Variants in GTF2A1L observed in about 807,000 individuals in gnomAD.
GTF2A1L encodes the protein general transcription factor IIA subunit 1 like.
GTF2A1L carries 48 observed loss-of-function variants against 49.7 expected under a neutral mutation model. The observed-to-expected ratio is 0.97, with a 90% CI of 0.77 to 1.23. GTF2A1L has a LOEUF of 1.23. Among genes scored for constraint, GTF2A1L ranks in the 50% most tolerant of loss-of-function variants. GTF2A1L has a pLI of 0.00. For missense variants in GTF2A1L, 736 were observed against 564.8 expected (o/e 1.30, Z -3.07); for synonymous variants, 246 against 193.5 (o/e 1.27, Z -2.25).
intron 3 of GTF2A1L, among the ~76,000 whole-genome samples, chr2:48,625,225 G>A (rs1342398728): frequency 7.0e-6 from 1 of 143,480 alleles, no homozygotes; most frequent in Non-Finnish European, 1.6e-5. Flanking sequence ...AACACTTGTC[G>A]TCTCTTTTCT....
At chr2:48,640,959 T>G (rs1677165865) in intron 3 of GTF2A1L, among the ~76,000 whole-genome samples, 1 of 152,194 alleles carries the variant, frequency 6.6e-6, no homozygotes, top group African/African-American at 2.4e-5. Context: ...ATAAAACTGT[T>G]CAATGCTTTT....
intron 6 of GTF2A1L, among the ~76,000 whole-genome samples, chr2:48,653,920 C>CAAAAAAAAAA (rs70946819): frequency 1.0e-4 from 11 of 108,666 alleles, no homozygotes; most frequent in African/African-American, 2.8e-4. Flanking sequence ...GACTGTGTCT[C>CAAAAAAAAAA]AAAAAAAAAA....
At chr2:48,618,116 GT>G in intron 1 of GTF2A1L, 1 of 535,240 alleles carries the variant, frequency 1.9e-6, no homozygotes, top group Non-Finnish European at 3.3e-6. Flanking sequence ...AAAAGAACAA[GT>G]GCCCTTTTTC....
At chr2:48,634,848 T>G (rs546255176) in intron 3 of GTF2A1L, among the ~76,000 whole-genome samples, 2 of 152,286 alleles carry the variant, frequency 1.3e-5, no homozygotes, top group Non-Finnish European at 2.9e-5. Context: ...AGCATTGACC[T>G]TTGACAGTCT....
At chr2:48,664,736 T>C (rs1231555205) in intron 6 of GTF2A1L, among the ~76,000 whole-genome samples, 1 of 152,166 alleles carries the variant, frequency 6.6e-6, no homozygotes, top group Non-Finnish European at 1.5e-5. Context: ...TGGTAATTTC[T>C]TGCAATGGAT....
At chr2:48,647,844 TA>T (rs974488821) in intron 6 of GTF2A1L, among the ~76,000 whole-genome samples, 2 of 152,062 alleles carry the variant, frequency 1.3e-5, no homozygotes, top group Non-Finnish European at 2.9e-5. Flanking sequence ...TTATAAAAAT[TA>T]AAAAAATTGC....
chr2:48,631,074 C>G (rs1421698119), intron 3 of GTF2A1L, among the ~76,000 whole-genome samples: 1 of 151,988 alleles, frequency 6.6e-6, no homozygotes, highest in Non-Finnish European at 1.5e-5. Context: ...TTGGCCTATA[C>G]TTTTCTTTTT....
chr2:48,656,348 G>GTTTTTTTT (rs367837291), intron 6 of GTF2A1L, among the ~76,000 whole-genome samples: 3 of 114,560 alleles, frequency 2.6e-5, no homozygotes, highest in African/African-American at 1.0e-4. Context: ...CTTATTTTCT[G>GTTTTTTTT]TTTTTTTTTT....
chr2:48,617,889 C>A lies in GTF2A1L; in HGVS notation c.15C>A (p.Asn5Lys). Reference protein sequence around the residue: MACLNPVPKLYRSVI... With the variant: MACLKPVPKLYRSVI... ...GAGGTGCTGTCATGGCCTGCCTCAACCCGGTGGTAAGGAAGACCTCAGGCT... is the reference window on the plus strand; with the variant it reads ...GAGGTGCTGTCATGGCCTGCCTCAAACCGGTGGTAAGGAAGACCTCAGGCT... Residue 5 changes from asparagine (N) to lysine (K), a missense_variant, in exon 1 of 9, where the codon AAC becomes AAA. Asn to Lys is a moderately conservative substitution (Grantham distance 94). Transcript: ENST00000403751. 6.4e-7 allele frequency: 1 copy of A among 1,551,860 alleles called. No homozygotes were observed. The highest frequency in any genetic ancestry group is 8.7e-7 in the Non-Finnish European group (1 of 1,147,054).
At chr2:48,657,578 G>A (rs561727837) in intron 6 of GTF2A1L, among the ~76,000 whole-genome samples, 2 of 152,060 alleles carry the variant, frequency 1.3e-5, no homozygotes, top group Admixed American at 6.6e-5. Context: ...GTGCAGGTAC[G>A]TTTTTGGTAG....
chr2:48,649,061 G>T (rs1677699664), intron 6 of GTF2A1L, among the ~76,000 whole-genome samples: 1 of 152,092 alleles, frequency 6.6e-6, no homozygotes, highest in Non-Finnish European at 1.5e-5. Flanking sequence ...TATGTTGTTT[G>T]AACATTCTGT....
intron 6 of GTF2A1L, among the ~76,000 whole-genome samples, chr2:48,661,871 T>C (rs1390886136): frequency 1.3e-5 from 2 of 152,176 alleles, no homozygotes. Flanking sequence ...TGTCTTTTGA[T>C]TGGGGAGTTT....
At chr2:48,642,258 C>A in intron 3 of GTF2A1L, 144 bp from the exon 4 acceptor site, 1 of 712,820 alleles carries the variant, frequency 1.4e-6, no homozygotes, top group Non-Finnish European at 2.1e-6. Flanking sequence ...TACTTTTTAC[C>A]GCACTTGGAA....
At chr2:48,644,982 A>G (rs1190233110) in intron 4 of GTF2A1L, 51 bp from the exon 5 acceptor site, 1 of 1,538,052 alleles carries the variant, frequency 6.5e-7, no homozygotes. Context: ...GGAAAAAAAG[A>G]TACAAGTAAA....
intron 6 of GTF2A1L, among the ~76,000 whole-genome samples, chr2:48,660,649 A>C (rs1678439482): frequency 2.6e-5 from 4 of 151,610 alleles, no homozygotes; most frequent in Admixed American, 2.6e-4. Flanking sequence ...TTATTTTATT[A>C]TTATTATTAT....
intron 7 of GTF2A1L, among the ~76,000 whole-genome samples, chr2:48,671,113 C>G (rs1679141139): frequency 6.6e-6 from 1 of 152,046 alleles, no homozygotes; most frequent in Non-Finnish European, 1.5e-5. Flanking sequence ...TGAACCACTG[C>G]ACCCGGCTCA....
chr2:48,627,311 G>A (rs559511384), intron 3 of GTF2A1L, among the ~76,000 whole-genome samples: 1 of 143,990 alleles, frequency 6.9e-6, no homozygotes, highest in East Asian at 1.9e-4. Flanking sequence ...GAACCACAAG[G>A]AACTTTTTGG....
At position 48,669,988 on chromosome 2, in the gene GTF2A1L, G is replaced by A. The variant is rs748864667; in HGVS notation, c.1239+6G>A. 4 of 1,601,862 alleles carry A rather than the reference G, an allele frequency of 2.5e-6. No homozygotes were observed. Among genetic ancestry groups the A allele is most frequent in the Non-Finnish European group, 3.4e-6 (4 of 1,174,116 alleles). On this transcript the variant is annotated splice_donor_region_variant and intron_variant, in intron 7 of 8. Coordinates refer to ENST00000403751, the MANE Select transcript of GTF2A1L (RefSeq NM_006872.5). The stretch of plus-strand genomic sequence containing the variant: ...AAGTAAACATTGTAGAAGAGGTGAG[G>A]ATGACTTTTGAGCTGAGACTTCCTT...
At chr2:48,665,801 A>G (rs1277562908) in intron 6 of GTF2A1L, among the ~76,000 whole-genome samples, 2 of 152,042 alleles carry the variant, frequency 1.3e-5, no homozygotes, top group African/African-American at 4.8e-5. Context: ...GGTATTCTCT[A>G]TATATTAATT....
Sources: gnomAD v4.1 joint callset for allele counts (sites outside exome capture counted in the v4.1 genomes callset) on GRCh38, gnomAD v4.1.1 for gene constraint, MANE v1.5 for transcripts, NCBI Gene and HGNC (gene_info 2026-07-23, HGNC 2026-07-21) for gene names.